The following MVB12B variants were observed in gnomAD, a reference collection of about 807,000 sequenced individuals.
MVB12B encodes ESCRT-I complex subunit MVB12B.
MVB12B carries 16 observed loss-of-function variants against 41.6 expected under a neutral mutation model. The ratio of observed to expected loss-of-function variants is 0.38; its 90% CI spans 0.26 to 0.58. The LOEUF (loss-of-function observed/expected upper bound fraction) is 0.58. MVB12B is among the 20% of genes least tolerant of loss of function. The probability of loss-of-function intolerance (pLI) is 0.62; values close to 1 mark genes in which losing one functional copy is unlikely to be tolerated. For synonymous variants in MVB12B, 133 were observed against 139.7 expected, an observed-to-expected ratio of 0.95 and a Z score of 0.34; for missense variants, 274 against 380.2, an observed-to-expected ratio of 0.72 and a Z score of 2.32.
intron 1 of MVB12B, among the ~76,000 whole-genome samples, chr9:126,329,181 TCCTG>T (rs1182151266): frequency 6.6e-6 from 1 of 152,168 alleles, no homozygotes; most frequent in African/African-American, 2.4e-5. Flanking sequence ...TCAGGCTACC[TCCTG>T]GACCCCAGGT....
In MVB12B at chr9:126,393,622, T is replaced by C. The variant is rs139743705; in HGVS notation, c.539+1427T>C. 2.2e-3 allele frequency among the ~76,000 whole-genome samples: 341 copies of C among 152,258 alleles called. 2 individuals are homozygous for C. Among genetic ancestry groups the C allele is most frequent in the Admixed American group, 3.7e-3 (57 of 15,300 alleles). On this transcript the variant is annotated intron_variant, in intron 5 of 9. Transcript: ENST00000361171. ...CACGACTGGTGCTGCTCCTAAAATA[T>C]GGAGGGGCAGTCAAAAGTCAGAAAG...
At chr9:126,377,019 C>G (rs532006900) in intron 2 of MVB12B, among the ~76,000 whole-genome samples, 1 of 151,980 alleles carries the variant, frequency 6.6e-6, no homozygotes, top group South Asian at 2.1e-4. Context: ...CCCACACTTG[C>G]TAAATCCCTT....
chr9:126,351,470 T>A (rs1020405730), intron 2 of MVB12B, among the ~76,000 whole-genome samples: 1 of 148,764 alleles, frequency 6.7e-6, no homozygotes, highest in Admixed American at 6.8e-5. Context: ...TGGAAAACAT[T>A]CAGTCTTTCA....
At chr9:126,413,838 G>GTA (rs1403559929) in intron 6 of MVB12B, among the ~76,000 whole-genome samples, 6 of 115,208 alleles carry the variant, frequency 5.2e-5, no homozygotes, top group Non-Finnish European at 1.2e-4. Context: ...GTGTGTGTGT[G>GTA]TGTGTGTGTG....
Position 126,406,720 on chromosome 9 carries a change from G to A in MVB12B, c.662+11023G>A, listed in dbSNP as rs185180232. Among the ~76,000 whole-genome samples, 178 of 152,294 alleles carry A rather than the reference G, an allele frequency of 1.2e-3. 1 individual carries two copies. The highest frequency in any genetic ancestry group is 2.0e-3 in the Non-Finnish European group (134 of 68,024). On this transcript the variant is annotated intron_variant, in intron 6 of 9. Transcript: ENST00000361171. ...TTTTCTTCATTTCTTTTATATGGGA[G>A]GTCGGTGTTTTGGCATTGCAAGGTT...
chr9:126,396,480 G>T, intron 6 of MVB12B: 1 of 985,494 alleles, frequency 1.0e-6, no homozygotes, highest in African/African-American at 1.7e-5. Flanking sequence ...GGATCTCCAA[G>T]CTTCCACGTG....
intron 9 of MVB12B, among the ~76,000 whole-genome samples, chr9:126,502,408 CTA>C (rs1161826396): frequency 1.3e-5 from 2 of 152,174 alleles, no homozygotes; most frequent in African/African-American, 4.8e-5. Flanking sequence ...AACCCCTTCT[CTA>C]AATTTCCATC....
intron 7 of MVB12B, among the ~76,000 whole-genome samples, chr9:126,456,601 A>G (rs1469056177): frequency 6.6e-6 from 1 of 152,154 alleles, no homozygotes; most frequent in Non-Finnish European, 1.5e-5. Flanking sequence ...TACTCGGAAT[A>G]TGGTTGAAGC....
At chr9:126,346,639 T>G (rs1468047891) in intron 2 of MVB12B, among the ~76,000 whole-genome samples, 3 of 151,992 alleles carry the variant, frequency 2.0e-5, no homozygotes, top group Non-Finnish European at 2.9e-5. Context: ...TGGGCTTGTC[T>G]AGGGAGGGTT....
chr9:126,407,126 AT>A (rs1371122428), intron 6 of MVB12B, among the ~76,000 whole-genome samples: 2 of 152,184 alleles, frequency 1.3e-5, no homozygotes, highest in Non-Finnish European at 2.9e-5. Context: ...ACCCCAGGGT[AT>A]TTACAGAAGC....
At chr9:126,381,315 A>G (rs1481647891) in intron 3 of MVB12B, 144 bp downstream of exon 3, 5 of 643,396 alleles carry the variant, frequency 7.8e-6, no homozygotes, top group Non-Finnish European at 1.4e-5. Flanking sequence ...GGGTAGAATC[A>G]GCAGCCAGCA....
rs144661795 is a variant in MVB12B, at chr9:126,379,519, A to G, written c.205-1545A>G. On this transcript the variant is annotated intron_variant, in intron 2 of 9. Transcript: ENST00000361171. ...CTGACCCCCATTCGATCGTGTTTCT[A>G]TCTGTGGGGGTGACATACTTGGAGC... is the stretch of plus-strand genomic sequence containing the variant. Among the ~76,000 whole-genome samples the G allele has an allele frequency of 1.9e-4, 29 of 152,254 alleles. No homozygotes were observed. In the East Asian group the frequency reaches 5.6e-3, roughly 29 times the overall value.
In MVB12B at chr9:126,386,608, A is replaced by G; in HGVS notation, c.359A>G (p.Lys120Arg). The G allele has an allele frequency of 6.2e-7, 1 of 1,614,180 alleles. No individual in the cohort carries two copies. Among genetic ancestry groups the G allele is most frequent in the Non-Finnish European group, 8.5e-7 (1 of 1,180,002 alleles). ...GTAGATATGAAGCTCATTGACATCA[A>G]GGACACACTGCCTGTGGGCTTCATC... ...VLVDMKLIDI[K>R]DTLPVGFIPI... Residue 120 changes from lysine (K) to arginine (R), a missense_variant, in exon 4 of 10, where the codon AAG (lysine) becomes AGG (arginine). Physicochemically the swap from Lys to Arg is conservative, Grantham distance 26. Transcript: ENST00000361171. The surrounding 1 kb of genome is among the most constrained non-coding windows in gnomAD (Gnocchi z 4.3).
At chr9:126,351,483 C>CTT (rs34141510) in intron 2 of MVB12B, among the ~76,000 whole-genome samples, 38,801 of 86,160 alleles carry the variant, frequency 0.45, 7,851 homozygotes, top group South Asian at 0.57. Flanking sequence ...GTCTTTCACT[C>CTT]TTTTTTTTTT....
intron 2 of MVB12B, among the ~76,000 whole-genome samples, chr9:126,342,906 G>T (rs867220999): frequency 2.6e-5 from 4 of 152,348 alleles, no homozygotes; most frequent in Non-Finnish European, 5.9e-5. Flanking sequence ...CCCTGCTGCG[G>T]ATTGGGCCGA....
intron 9 of MVB12B, among the ~76,000 whole-genome samples, chr9:126,501,851 C>T (rs545657361): frequency 1.3e-5 from 2 of 152,258 alleles, no homozygotes; most frequent in Admixed American, 1.3e-4. Context: ...GCTGGGCAGG[C>T]CTGGAAAGCC....
At position 126,393,415 on chromosome 9, in the gene MVB12B, C is replaced by T. The variant is rs191450493; in HGVS notation, c.539+1220C>T. The stretch of plus-strand genomic sequence containing the variant: ...TTTCATCCAGGTTCAAGTCCAGAGG[C>T]CAAGAGCAAGTTTGTGTTCCTGACA... On this transcript the variant is annotated intron_variant, in intron 5 of 9. Transcript: ENST00000361171. Among the ~76,000 whole-genome samples, 314 of 152,316 alleles carry T rather than the reference C, an allele frequency of 2.1e-3. 1 individual carries two copies. Among genetic ancestry groups the T allele is most frequent in the African/African-American group, 7.3e-3 (305 of 41,566 alleles).
chr9:126,364,243 A>T (rs73595607), intron 2 of MVB12B, among the ~76,000 whole-genome samples: 2,509 of 152,340 alleles, frequency 0.016, 59 homozygotes, highest in African/African-American at 0.047. Context: ...TGACTTAGGC[A>T]CGAGGACCAG....
chr9:126,490,733 T>G (rs1349430758), intron 9 of MVB12B, among the ~76,000 whole-genome samples: 1 of 152,252 alleles, frequency 6.6e-6, no homozygotes, highest in Non-Finnish European at 1.5e-5. Context: ...GCCACAGGTT[T>G]TTATGGGCTG....
Sources: allele counts gnomAD v4.1 joint callset (sites outside exome capture counted in the v4.1 genomes callset), GRCh38; gene constraint gnomAD v4.1.1; non-coding constraint Gnocchi (gnomAD v3.1); transcripts MANE v1.5; gene names NCBI Gene and HGNC (gene_info 2026-07-23, HGNC 2026-07-21).